LAMA2: variants seen among roughly 807,000 people sequenced by gnomAD.
The protein encoded by LAMA2 is laminin subunit alpha-2.
LAMA2 carries 269 observed loss-of-function variants against 364.8 expected under a neutral mutation model. The ratio of observed to expected loss-of-function variants is 0.74; its 90% CI spans 0.67 to 0.82. LAMA2 has a LOEUF of 0.82. Ranked by LOEUF, LAMA2 falls within the 40% of genes least tolerant of loss-of-function variation. The pLI is 0.00. For missense variants in LAMA2, 3,807 were observed against 3,873.2 expected (o/e 0.98, Z 0.45); for synonymous variants, 1,379 against 1,370.6 (o/e 1.01, Z -0.14).
In LAMA2 at chr6:128,928,139, T is replaced by G. The variant is rs542034282; in HGVS notation, c.112+44782T>G. Among the ~76,000 whole-genome samples, 4 of 152,362 alleles carry G rather than the reference T, an allele frequency of 2.6e-5. No homozygotes were observed. The South Asian group carries it at 8.3e-4, about 32-fold the overall frequency. ...CGGTAGCTCAAGAGAGACATGCTTC[T>G]AAGCACAGAGGTATGAGAAGTCTCA... is the stretch of plus-strand genomic sequence containing the variant. On this transcript the variant is annotated intron_variant, in intron 1 of 64. Coordinates refer to ENST00000421865, the MANE Select transcript of LAMA2 (RefSeq NM_000426.4).
chr6:129,037,927 C>T (rs1236964148), intron 1 of LAMA2, among the ~76,000 whole-genome samples: 15 of 151,788 alleles, frequency 9.9e-5, no homozygotes, highest in Admixed American at 9.8e-4. Context: ...CCTTGGCCTC[C>T]CAAAGTGTAG....
chr6:128,994,936 C>T (rs992827663), intron 1 of LAMA2, among the ~76,000 whole-genome samples: 3 of 151,982 alleles, frequency 2.0e-5, no homozygotes, highest in African/African-American at 7.3e-5. Flanking sequence ...GTAAAGAAAT[C>T]CCATGATTCC....
chr6:129,348,612 G>T (rs1019825778), intron 30 of LAMA2, among the ~76,000 whole-genome samples: 2 of 151,798 alleles, frequency 1.3e-5, no homozygotes, highest in African/African-American at 4.8e-5. Context: ...ACTGGCTGTG[G>T]TCTACCAGCA....
rs529935051 is a variant in LAMA2, at chr6:129,457,710, A to G, written c.6867+1216A>G. ...TATGTCTTAGTCCATTAGGGCTGCTATAAGAAAAATACCATGAAACTGGGT... is the reference window on the plus strand; with the variant it reads ...TATGTCTTAGTCCATTAGGGCTGCTGTAAGAAAAATACCATGAAACTGGGT... On this transcript the variant is annotated intron_variant, in intron 48 of 64. Coordinates refer to ENST00000421865, the MANE Select transcript of LAMA2 (RefSeq NM_000426.4). 8.2e-4 allele frequency among the ~76,000 whole-genome samples: 125 copies of G among 152,260 alleles called. 1 individual carries two copies. The highest frequency in any genetic ancestry group is 2.9e-3 in the African/African-American group (121 of 41,552).
chr6:128,979,797 A>G (rs1782754520), intron 1 of LAMA2, among the ~76,000 whole-genome samples: 1 of 152,216 alleles, frequency 6.6e-6, no homozygotes, highest in African/African-American at 2.4e-5. Flanking sequence ...TTAACAGACT[A>G]AGGTGGATTT....
chr6:129,222,273 G>T (rs1783908410), intron 12 of LAMA2, among the ~76,000 whole-genome samples: 1 of 151,936 alleles, frequency 6.6e-6, no homozygotes, highest in Non-Finnish European at 1.5e-5. Flanking sequence ...TCTTTAAAAT[G>T]GAATTAGTAG....
intron 35 of LAMA2, among the ~76,000 whole-genome samples, chr6:129,384,701 C>T (rs1778878290): frequency 6.6e-6 from 1 of 152,006 alleles, no homozygotes; most frequent in Non-Finnish European, 1.5e-5. Context: ...GGAGATTTAT[C>T]CCAGGCTTGC....
chr6:129,248,011 G>A (rs1325417080), intron 12 of LAMA2, among the ~76,000 whole-genome samples: 1 of 152,110 alleles, frequency 6.6e-6, no homozygotes, highest in African/African-American at 2.4e-5. Flanking sequence ...ACAGGTCTGT[G>A]GCCTGTTAAG....
At chr6:129,128,438 T>C (rs1416615958) in intron 4 of LAMA2, among the ~76,000 whole-genome samples, 2 of 152,180 alleles carry the variant, frequency 1.3e-5, no homozygotes, top group Non-Finnish European at 2.9e-5. Flanking sequence ...TGTGATATCT[T>C]TATTTTTGTT....
At chr6:129,070,578 C>T (rs1421856058) in intron 3 of LAMA2, among the ~76,000 whole-genome samples, 1 of 152,010 alleles carries the variant, frequency 6.6e-6, no homozygotes. Context: ...TGATATCCTC[C>T]AGATTACTTA....
Position 129,364,123 on chromosome 6 carries a change from G to A in LAMA2, c.4718-2096G>A, listed in dbSNP as rs116005059. 9.9e-3 allele frequency among the ~76,000 whole-genome samples: 1,499 copies of A among 152,118 alleles called. 34 individuals carry two copies. The highest frequency in any genetic ancestry group is 0.035 in the African/African-American group (1,444 of 41,520). On this transcript the variant is annotated intron_variant, in intron 32 of 64. Coordinates refer to ENST00000421865, the MANE Select transcript of LAMA2 (RefSeq NM_000426.4). ...CAGTTGTCACCTGCAAGAAGCTGCA[G>A]GTGTCACCTGCAAGAAGCTGATTTA...
intron 4 of LAMA2, among the ~76,000 whole-genome samples, chr6:129,138,313 TAATAAA>T (rs1432991993): frequency 3.3e-5 from 5 of 152,050 alleles, no homozygotes; most frequent in Non-Finnish European, 7.4e-5. Context: ...GTATTAGAAT[TAATAAA>T]AATAACCCTA....
intron 51 of LAMA2, among the ~76,000 whole-genome samples, chr6:129,466,581 C>T (rs1231482869): frequency 6.6e-6 from 1 of 151,966 alleles, no homozygotes; most frequent in African/African-American, 2.4e-5. Flanking sequence ...GCACAATGCA[C>T]ATTTGCATGT....
At chr6:129,507,378 A>G (rs1786175939) in intron 61 of LAMA2, 111 bp from the exon 62 acceptor site, 1 of 1,167,368 alleles carries the variant, frequency 8.6e-7, no homozygotes, top group Non-Finnish European at 1.3e-6. Context: ...ATCCCATCCT[A>G]AGACAACTGG....
chr6:129,271,254 T>G (rs2114359307), intron 17 of LAMA2, among the ~76,000 whole-genome samples: 1 of 152,100 alleles, frequency 6.6e-6, no homozygotes, highest in East Asian at 1.9e-4. Context: ...TTTAGAAAAA[T>G]TCGTTGTTCA....
chr6:129,234,328 A>G (rs1300093374), intron 12 of LAMA2, among the ~76,000 whole-genome samples: 1 of 152,202 alleles, frequency 6.6e-6, no homozygotes, highest in Non-Finnish European at 1.5e-5. Flanking sequence ...TGAAAATCCA[A>G]AAAGTCAAAC....
At chr6:129,426,227 C>A (rs1262939233) in intron 40 of LAMA2, among the ~76,000 whole-genome samples, 2 of 152,116 alleles carry the variant, frequency 1.3e-5, no homozygotes, top group Non-Finnish European at 2.9e-5. Context: ...TCTCTTTGCT[C>A]ATTGTCGGAC....
chr6:129,114,416 T>C (rs1328433346), intron 4 of LAMA2, among the ~76,000 whole-genome samples: 1 of 152,032 alleles, frequency 6.6e-6, no homozygotes, highest in Non-Finnish European at 1.5e-5. Context: ...AGCTAAAGAT[T>C]CAAAACTAAA....
At chr6:129,516,127 C>T in intron 64 of LAMA2, 63 bp from the exon 65 acceptor site, 1 of 1,550,428 alleles carries the variant, frequency 6.4e-7, no homozygotes, top group Non-Finnish European at 8.9e-7. Context: ...GACTTTGAAA[C>T]ATGCTCTTAA....
Sources: allele counts gnomAD v4.1 joint callset (sites outside exome capture counted in the v4.1 genomes callset), GRCh38; gene constraint gnomAD v4.1.1; transcripts MANE v1.5; gene names NCBI Gene and HGNC (gene_info 2026-07-23, HGNC 2026-07-21).